The following LHFPL3 variants were observed in gnomAD, a reference collection of about 807,000 sequenced individuals.
The protein encoded by LHFPL3 is LHFPL tetraspan subfamily member 3.
LHFPL3 carries 5 observed loss-of-function variants against 19.3 expected under a neutral mutation model. The observed-to-expected ratio is 0.26, with a 90% confidence interval of 0.14 to 0.54. The LOEUF is 0.54. Ranked by LOEUF, LHFPL3 falls within the 20% of genes least tolerant of loss-of-function variation. The pLI is 0.94. For missense variants in LHFPL3, 249 were observed against 307.4 expected (o/e 0.81, Z 1.42); for synonymous variants, 133 against 126.2 (o/e 1.05, Z -0.36).
rs568116453 is a variant in LHFPL3, at chr7:104,344,008, A to G, written c.445+14784A>G. 5.3e-5 allele frequency among the ~76,000 whole-genome samples: 8 copies of G among 152,230 alleles called. No homozygotes were observed. The South Asian group carries it at 6.2e-4, about 12-fold the overall frequency. The stretch of plus-strand genomic sequence containing the variant: ...ATATACTATAGATTTTTATTTTTGC[A>G]AATACTAATTAGATTAAAGGAGCTC... On this transcript the variant is annotated intron_variant, in intron 1 of 2. Transcript: ENST00000424859.
At chr7:104,495,894 A>T (rs1218873158) in intron 1 of LHFPL3, among the ~76,000 whole-genome samples, 3 of 152,118 alleles carry the variant, frequency 2.0e-5, no homozygotes, top group African/African-American at 7.2e-5. Context: ...ACATTATCTC[A>T]TTTAATCCTC....
In LHFPL3 at chr7:104,329,241, C is replaced by G. The variant is rs1801522855; in HGVS notation, c.445+17C>G. 6.3e-7 allele frequency: 1 copy of G among 1,578,186 alleles called. No homozygotes were observed. Among genetic ancestry groups the G allele is most frequent in the African/African-American group, 1.4e-5 (1 of 73,802 alleles). On this transcript the variant is annotated intron_variant, in intron 1 of 2. Transcript: ENST00000424859. ...TCACCTCCGGTGAGTGCGCGCTCACCTCCGCGGAGGCGGAGGACCCCGGGG... is the reference window on the plus strand; with the variant it reads ...TCACCTCCGGTGAGTGCGCGCTCACGTCCGCGGAGGCGGAGGACCCCGGGG...
At chr7:104,638,850 C>T (rs1192760925) in intron 1 of LHFPL3, among the ~76,000 whole-genome samples, 2 of 150,986 alleles carry the variant, frequency 1.3e-5, no homozygotes, top group African/African-American at 4.9e-5. Context: ...GCAGTCTTGA[C>T]CTCGAAGGCT....
intron 1 of LHFPL3, among the ~76,000 whole-genome samples, chr7:104,538,980 CATTACTGGTTTTGAAGTTGGAGGAA>C (rs1244342892): frequency 6.6e-6 from 1 of 152,154 alleles, no homozygotes; most frequent in African/African-American, 2.4e-5. Flanking sequence ...ACAGTTGCAA[CATTACTGGTTTTGAAGTTGGAGGAA>C]ATTGGCCACA....
At chr7:104,355,972 AT>A (rs1224955855) in intron 1 of LHFPL3, among the ~76,000 whole-genome samples, 1 of 152,264 alleles carries the variant, frequency 6.6e-6, no homozygotes, top group Non-Finnish European at 1.5e-5. Flanking sequence ...TATCATTGAT[AT>A]AGTACATTAT....
intron 1 of LHFPL3, among the ~76,000 whole-genome samples, chr7:104,645,807 C>T (rs1316809437): frequency 6.6e-6 from 1 of 151,610 alleles, no homozygotes; most frequent in African/African-American, 2.4e-5. Context: ...ACTACAGGCG[C>T]CCGCCACCAC....
intron 2 of LHFPL3, among the ~76,000 whole-genome samples, chr7:104,853,716 A>G (rs1468813): frequency 0.87 from 133,173 of 152,210 alleles, 59,660 homozygotes; most frequent in Non-Finnish European, 0.98. Context: ...AGTACCTTTA[A>G]TGGCACTTTT....
chr7:104,357,398 A>G (rs1233903266), intron 1 of LHFPL3, among the ~76,000 whole-genome samples: 1 of 152,158 alleles, frequency 6.6e-6, no homozygotes, highest in East Asian at 1.9e-4. Flanking sequence ...CTTAAAGGCA[A>G]TTAGTAGTTA....
chr7:104,504,310 C>T (rs1264369645), intron 1 of LHFPL3, among the ~76,000 whole-genome samples: 1 of 152,114 alleles, frequency 6.6e-6, no homozygotes, highest in Non-Finnish European at 1.5e-5. Context: ...TTGTCAATCA[C>T]GTATTTACCT....
At chr7:104,375,289 G>T (rs1312171760) in intron 1 of LHFPL3, among the ~76,000 whole-genome samples, 1 of 152,050 alleles carries the variant, frequency 6.6e-6, no homozygotes, top group Non-Finnish European at 1.5e-5. Context: ...AGTGAGCTGA[G>T]ATCACACCAC....
intron 2 of LHFPL3, among the ~76,000 whole-genome samples, chr7:104,834,761 G>T (rs1268548817): frequency 6.6e-6 from 1 of 151,932 alleles, no homozygotes; most frequent in Non-Finnish European, 1.5e-5. Context: ...GGAGAGGGCT[G>T]CTTCAGCTTC....
At chr7:104,439,679 A>C (rs1327436922) in intron 1 of LHFPL3, among the ~76,000 whole-genome samples, 1 of 152,126 alleles carries the variant, frequency 6.6e-6, no homozygotes, top group African/African-American at 2.4e-5. Flanking sequence ...AAACTAGGAA[A>C]AAAGTGAACT....
chr7:104,696,950 G>C (rs1793007903), intron 1 of LHFPL3, among the ~76,000 whole-genome samples: 1 of 152,160 alleles, frequency 6.6e-6, no homozygotes. Context: ...TCACAATTCT[G>C]GAGCTTGGGA....
chr7:104,361,309 A>C (rs538100928), intron 1 of LHFPL3, among the ~76,000 whole-genome samples: 17 of 152,274 alleles, frequency 1.1e-4, no homozygotes, highest in Non-Finnish European at 2.1e-4. Context: ...AGCAGAGTAT[A>C]TTGATTGTAT....
chr7:104,840,501 T>C (rs868522457), intron 2 of LHFPL3, among the ~76,000 whole-genome samples: 1,454 of 128,628 alleles, frequency 0.011, 40 homozygotes, highest in African/African-American at 0.042. Context: ...TTTTTTTTTT[T>C]TTGTAGAGAC....
chr7:104,474,446 C>T (rs183503082), intron 1 of LHFPL3, among the ~76,000 whole-genome samples: 4 of 151,948 alleles, frequency 2.6e-5, no homozygotes, highest in Middle Eastern at 3.4e-3. Flanking sequence ...AGGCGCATCA[C>T]GAGGTCAGGA....
chr7:104,470,255 A>T (rs1792881391), intron 1 of LHFPL3, among the ~76,000 whole-genome samples: 1 of 152,218 alleles, frequency 6.6e-6, no homozygotes, highest in Non-Finnish European at 1.5e-5. Flanking sequence ...TTTTATTGAT[A>T]ATTCTATTCC....
intron 2 of LHFPL3, among the ~76,000 whole-genome samples, chr7:104,872,610 A>C (rs1791857984): frequency 6.6e-6 from 1 of 152,044 alleles, no homozygotes; most frequent in South Asian, 2.1e-4. Flanking sequence ...ACACCACTGC[A>C]CTTCACCCTG....
chr7:104,380,731 A>G (rs1790810600), intron 1 of LHFPL3, among the ~76,000 whole-genome samples: 1 of 152,226 alleles, frequency 6.6e-6, no homozygotes, highest in Non-Finnish European at 1.5e-5. Context: ...ATTCTAAAGC[A>G]TAGATGCAAA....
Sources: gnomAD v4.1 joint callset for allele counts (sites outside exome capture counted in the v4.1 genomes callset) on GRCh38, gnomAD v4.1.1 for gene constraint, MANE v1.5 for transcripts, NCBI Gene and HGNC (gene_info 2026-07-23, HGNC 2026-07-21) for gene names.